Variants in PECAM1 observed in about 807,000 individuals in gnomAD.
PECAM1 encodes the protein platelet endothelial cell adhesion molecule.
A neutral mutation model predicts 13.8 loss-of-function variants in PECAM1; 8 were observed. The observed-to-expected ratio is 0.58, with a 90% confidence interval of 0.34 to 1.05. The LOEUF (loss-of-function observed/expected upper bound fraction) is 1.05, where lower values mean the gene tolerates loss of function less well. Among genes scored for constraint, PECAM1 ranks in the 50% least tolerant of loss-of-function variants. PECAM1 has a pLI of 0.03. For missense variants in PECAM1, 304 were observed against 141.2 expected, an observed-to-expected ratio of 2.15 and a Z score of -5.84; for synonymous variants, 136 against 52.6, an observed-to-expected ratio of 2.58 and a Z score of -6.86.
chr17:64,348,410 T>C, intron 12 of PECAM1, 88 bp from the exon 13 acceptor site: 1 of 318,780 alleles, frequency 3.1e-6, no homozygotes, highest in East Asian at 5.0e-5. Flanking sequence ...TTCTTTTCTT[T>C]TTTTTTTTTT....
At chr17:64,369,011 A>C (rs1484640787) in intron 5 of PECAM1, among the ~76,000 whole-genome samples, 1 of 119,588 alleles carries the variant, frequency 8.4e-6, no homozygotes, top group Non-Finnish European at 1.6e-5. Context: ...ATCTCAGCTC[A>C]CCGCAGCCTC....
chr17:64,338,693 G>A (rs1487764685), intron 14 of PECAM1, among the ~76,000 whole-genome samples: 1 of 152,036 alleles, frequency 6.6e-6, no homozygotes, highest in East Asian at 1.9e-4. Flanking sequence ...GAGGAGCTGG[G>A]GTTACAGGTA....
chr17:64,342,668 T>C (rs1176973316), intron 13 of PECAM1, among the ~76,000 whole-genome samples: 1 of 152,046 alleles, frequency 6.6e-6, no homozygotes, highest in Admixed American at 6.6e-5. Context: ...TGAGATCCTC[T>C]GGGCTAGACC....
intron 15 of PECAM1, among the ~76,000 whole-genome samples, chr17:64,327,091 AG>A (rs1244759220): frequency 2.0e-5 from 3 of 152,204 alleles, no homozygotes; most frequent in Non-Finnish European, 4.4e-5. Context: ...TGGGAAGTCA[AG>A]TGTTAATGTG....
chr17:64,386,537 A>G lies in PECAM1; in HGVS notation c.91+3952T>C, dbSNP rs901610714. 6.6e-5 allele frequency among the ~76,000 whole-genome samples: 10 copies of G among 152,340 alleles called. No individual in the cohort carries two copies. The East Asian group carries it at 1.9e-3, about 29-fold the overall frequency. On this transcript the variant is annotated intron_variant, in intron 2 of 15. Transcript: ENST00000563924. ...TATTTGTATTTTACCACAATTTAAAAAAAGACTTTGTTTGATTGGATATGG... is the reference window on the plus strand; with the variant it reads ...TATTTGTATTTTACCACAATTTAAAGAAAGACTTTGTTTGATTGGATATGG...
intron 5 of PECAM1, among the ~76,000 whole-genome samples, chr17:64,364,410 T>G (rs7209607): frequency 4.0e-5 from 6 of 151,862 alleles, no homozygotes; most frequent in African/African-American, 1.5e-4. Context: ...GAGGAACTGG[T>G]ACCATTCCTT....
Position 64,321,814 on chromosome 17 carries a change from G to A in PECAM1, c.*2002C>T, listed in dbSNP as rs1453083049. 10 of 1,340,272 alleles carry A rather than the reference G, an allele frequency of 7.5e-6. No homozygotes were observed. Among genetic ancestry groups the A allele is most frequent in the African/African-American group, 1.5e-5 (1 of 67,484 alleles). The allele number at this position is 1,340,272 out of a possible 1,614,324, so 83.0% of individuals were successfully genotyped here. A position where few individuals can be genotyped will look rare whatever the true frequency, so the allele number is the denominator to read the frequency against. The stretch of plus-strand genomic sequence containing the variant: ...GTCGTGCTGCATAAGTAAGGCACCA[G>A]GAGTAGGAATAGGGTCTTTGCAGCT... On this transcript the variant is annotated 3_prime_UTR_variant, in exon 16 of 16. Coordinates refer to ENST00000563924, the MANE Select transcript of PECAM1 (RefSeq NM_000442.5).
At position 64,322,254 on chromosome 17, in the gene PECAM1, CAT is replaced by C; in HGVS notation, c.*1560_*1561del. ...TACAAAAATTAGCCAGGCGTGGTGA[CAT>C]GTGCCTGTAATCCCAGCTACTCGGG... On this transcript the variant is annotated 3_prime_UTR_variant, in exon 16 of 16. Coordinates refer to ENST00000563924, the MANE Select transcript of PECAM1 (RefSeq NM_000442.5). The C allele has an allele frequency of 1.1e-5, 4 of 379,326 alleles. No individual in the cohort carries two copies. The highest frequency in any genetic ancestry group is 1.5e-5 in the Non-Finnish European group (4 of 274,476). The allele number at this position is 379,326 out of a possible 1,614,324, so 23.5% of individuals were successfully genotyped here. A position where few individuals can be genotyped will look rare whatever the true frequency, so the allele number is the denominator to read the frequency against.
At chr17:64,380,237 A>T (rs1410296584) in intron 2 of PECAM1, among the ~76,000 whole-genome samples, 1 of 152,020 alleles carries the variant, frequency 6.6e-6, no homozygotes, top group East Asian at 1.9e-4. Flanking sequence ...CTGAGGCAGG[A>T]GAATCGCTTG....
intron 14 of PECAM1, among the ~76,000 whole-genome samples, chr17:64,340,285 T>C (rs2035392658): frequency 6.6e-6 from 1 of 152,198 alleles, no homozygotes; most frequent in Non-Finnish European, 1.5e-5. Context: ...TTGCTGCTGC[T>C]GGTTTGCCGA....
chr17:64,352,166 G>A (rs902257566), intron 11 of PECAM1, among the ~76,000 whole-genome samples: 1 of 152,112 alleles, frequency 6.6e-6, no homozygotes, highest in Non-Finnish European at 1.5e-5. Context: ...TTTCTTCTAC[G>A]GGGAGTTTGG....
intron 2 of PECAM1, among the ~76,000 whole-genome samples, chr17:64,389,944 A>G (rs2036679701): frequency 6.6e-6 from 1 of 152,002 alleles, no homozygotes; most frequent in East Asian, 1.9e-4. Context: ...GCTACTTAGG[A>G]GGCTGAGACA....
Position 64,390,491 on chromosome 17 carries a change from T to C in PECAM1, c.89A>G (p.Asn30Ser). 4.2e-6 allele frequency: 2 copies of C among 473,976 alleles called. No individual in the cohort carries two copies. The highest frequency in any genetic ancestry group is 1.4e-4 in the South Asian group (2 of 14,588). The allele number at this position is 473,976 out of a possible 1,614,324, so 29.4% of individuals were successfully genotyped here. A position where few individuals can be genotyped will look rare whatever the true frequency, so the allele number is the denominator to read the frequency against. Residue 30 changes from asparagine to serine, a missense_variant and splice_region_variant, in exon 2 of 16, where the codon AAC (asparagine) becomes AGC (serine). Transcript: ENST00000563924. ...TACAGTGGAAACATCAGACTTACAG[T>C]TTTCTTGACCCTCAAGGCTTGAACC... ...LLCSSLEGQE[N>S]SFTINSVDMK...
At position 64,387,673 on chromosome 17, in the gene PECAM1, G is replaced by A. The variant is rs1034572285; in HGVS notation, c.91+2816C>T. 2.9e-3 allele frequency among the ~76,000 whole-genome samples: 435 copies of A among 152,288 alleles called. 1 individual carries two copies. Among genetic ancestry groups the A allele is most frequent in the Non-Finnish European group, 5.3e-3 (360 of 68,032 alleles). The stretch of plus-strand genomic sequence containing the variant: ...CCGAGGCCGGGAGGGAAACCGAGAG[G>A]ATGGGTGGAGAGGCTGATAAGCCTG... On this transcript the variant is annotated intron_variant, in intron 2 of 15. Coordinates refer to ENST00000563924, the MANE Select transcript of PECAM1 (RefSeq NM_000442.5).
Position 64,360,179 on chromosome 17 carries a change from C to A in PECAM1, c.1453G>T (p.Ala485Ser), listed in dbSNP as rs1403638636. The change falls in exon 7 of 16, where the codon GCC becomes TCC. Residue 485 changes from alanine to serine, a missense_variant. By Grantham distance (99) the Ala-to-Ser change is moderately conservative. Transcript: ENST00000563924. ...QCVADNCHSH[A>S]KMLSEVLRVK... is the part of the protein sequence containing the mutation. ...CTCAGAACCTCACTTAACATTTTGG[C>A]ATGGGAATGGCAATTATCTGCAACA... 1 of 475,360 alleles carries A rather than the reference C, an allele frequency of 2.1e-6. No individual in the cohort carries two copies. The highest frequency in any genetic ancestry group is 3.1e-5 in the East Asian group (1 of 32,052). 29.4% of individuals were successfully genotyped at this position (475,360 alleles called of 1,614,324 possible).
intron 7 of PECAM1, among the ~76,000 whole-genome samples, chr17:64,358,800 A>ATT (rs1196401910): frequency 2.8e-5 from 4 of 144,364 alleles, no homozygotes; most frequent in African/African-American, 7.6e-5. Flanking sequence ...GTTAATGTTA[A>ATT]TTTTTTTTTT....
At chr17:64,347,756 A>G (rs2035614842) in intron 13 of PECAM1, among the ~76,000 whole-genome samples, 2 of 147,170 alleles carry the variant, frequency 1.4e-5, no homozygotes, top group African/African-American at 5.0e-5. Context: ...TTTGAGATGG[A>G]GTCTCACTCT....
At chr17:64,324,053 A>G in intron 15 of PECAM1, 1 of 831,992 alleles carries the variant, frequency 1.2e-6, no homozygotes, top group African/African-American at 1.7e-5. Context: ...GGCCCCTCAG[A>G]AGACAACATT....
At chr17:64,347,740 A>ATT (rs1304796913) in intron 13 of PECAM1, among the ~76,000 whole-genome samples, 2,142 of 144,894 alleles carry the variant, frequency 0.015, 51 homozygotes, top group African/African-American at 0.051. Flanking sequence ...ATATATATAT[A>ATT]TATTTTTTGA....
Sources: allele counts gnomAD v4.1 joint callset (sites outside exome capture counted in the v4.1 genomes callset), GRCh38; gene constraint gnomAD v4.1.1; transcripts MANE v1.5; gene names NCBI Gene and HGNC (gene_info 2026-07-23, HGNC 2026-07-21).